Variants in MAP3K14 observed in about 807,000 individuals in gnomAD.
MAP3K14 encodes NF-kappa-beta-inducing kinase.
In MAP3K14, 16 loss-of-function variants were observed where a neutral mutation model predicts 99.2. The ratio of observed to expected loss-of-function variants is 0.16; its 90% CI spans 0.11 to 0.24. The LOEUF (loss-of-function observed/expected upper bound fraction) is 0.24, where lower values mean the gene tolerates loss of function less well. Among genes scored for constraint, MAP3K14 ranks in the 10% least tolerant of loss-of-function variants. MAP3K14 has a pLI of 1.00. For synonymous variants in MAP3K14, 462 were observed against 492.4 expected (o/e 0.94, Z 0.82); for missense variants, 784 against 1,208.7 (o/e 0.65, Z 5.21).
rs1434428354 is a variant in MAP3K14, at chr17:45,286,453, T to C, written c.1130A>G (p.Asn377Ser). Residue 377 changes from asparagine to serine, a missense_variant, in exon 5 of 16, where the codon AAC becomes AGC. Coordinates refer to ENST00000344686, the MANE Select transcript of MAP3K14 (RefSeq NM_003954.5). This position sits in a 1 kb window ranked among gnomAD's most constrained non-coding sequence, Gnocchi z 4.1. Reference sequence around the variant, plus strand: ...TACCTCAGTGAGCAGGACACCCTCGTTGTCCTCAGTTTTGGGGCTGGGCTC... The same window carrying C: ...TACCTCAGTGAGCAGGACACCCTCGCTGTCCTCAGTTTTGGGGCTGGGCTC... ...SREPSPKTEDNEGVLLTEKLK... is the reference protein window; with the variant it reads ...SREPSPKTEDSEGVLLTEKLK... 6.3e-7 allele frequency: 1 copy of C among 1,599,366 alleles called. No individual in the cohort carries two copies. Among genetic ancestry groups the C allele is most frequent in the South Asian group, 1.1e-5 (1 of 89,370 alleles).
Position 45,264,068 on chromosome 17 carries a change from T to A in MAP3K14, c.*568A>T, listed in dbSNP as rs1444256323. 1 of 152,328 alleles carries A rather than the reference T, an allele frequency of 6.6e-6. No homozygotes were observed. The highest frequency in any genetic ancestry group is 1.5e-5 in the Non-Finnish European group (1 of 68,144). The allele number at this position is 152,328 out of a possible 1,614,324, so 9.4% of individuals were successfully genotyped here. On this transcript the variant is annotated 3_prime_UTR_variant, in exon 16 of 16. Coordinates refer to ENST00000344686, the MANE Select transcript of MAP3K14 (RefSeq NM_003954.5). ...ATTCTACCAGGGAGCCTTCCCAGGGTCAGGCATTCTTTTCCCCTACACCCA... is the reference window on the plus strand; with the variant it reads ...ATTCTACCAGGGAGCCTTCCCAGGGACAGGCATTCTTTTCCCCTACACCCA...
chr17:45,283,716 G>A (rs1455899527), intron 6 of MAP3K14, among the ~76,000 whole-genome samples: 1 of 152,210 alleles, frequency 6.6e-6, no homozygotes, highest in African/African-American at 2.4e-5. Flanking sequence ...GATTGCGGAT[G>A]CTCTACCTGT....
rs1598254993 is a variant in MAP3K14 at position 45,286,249 on chromosome 17, G to A, written c.1152+182C>T. 1.3e-5 allele frequency among the ~76,000 whole-genome samples: 2 copies of A among 152,160 alleles called. No homozygotes were observed. The highest frequency in any genetic ancestry group is 4.1e-4 in the South Asian group (2 of 4,826). On this transcript the variant is annotated intron_variant, in intron 5 of 15. Coordinates refer to ENST00000344686, the MANE Select transcript of MAP3K14 (RefSeq NM_003954.5). This position sits in a 1 kb window ranked among gnomAD's most constrained non-coding sequence, Gnocchi z 4.1. Reference sequence around the variant, plus strand: ...CCAACCAGAAGAACTCAGAACAGAAGACGCTAAAAAGGCTGTGAGAAGTGA... The same window carrying A: ...CCAACCAGAAGAACTCAGAACAGAAAACGCTAAAAAGGCTGTGAGAAGTGA...
intron 1 of MAP3K14, among the ~76,000 whole-genome samples, chr17:45,291,946 C>G (rs944542034): frequency 6.6e-6 from 1 of 152,262 alleles, no homozygotes; most frequent in African/African-American, 2.4e-5. Context: ...AACTCTAAGG[C>G]CTCTGGCCTT....
In MAP3K14 at chr17:45,274,689, G is replaced by A. The variant is rs1027003004; in HGVS notation, c.1291-96C>T. 1.2e-5 allele frequency: 17 copies of A among 1,449,188 alleles called. No homozygotes were observed. The Admixed American group carries it at 3.0e-4, about 26-fold the overall frequency. 89.8% of individuals were successfully genotyped at this position (1,449,188 alleles called of 1,614,324 possible). A position where few individuals can be genotyped will look rare whatever the true frequency, so the allele number is the denominator to read the frequency against. On this transcript the variant is annotated intron_variant, in intron 6 of 15. Coordinates refer to ENST00000344686, the MANE Select transcript of MAP3K14 (RefSeq NM_003954.5). ...GCACCCTAGTGCTCCACACACAGAG[G>A]CTGCTGCTGTTTCCAGTGGTGATGC...
chr17:45,308,227 A>G (rs1023053407), intron 1 of MAP3K14, among the ~76,000 whole-genome samples: 2 of 152,216 alleles, frequency 1.3e-5, no homozygotes, highest in Admixed American at 1.3e-4. Flanking sequence ...CAAATATTTA[A>G]TCAGTGGCTA....
intron 1 of MAP3K14, among the ~76,000 whole-genome samples, chr17:45,291,331 T>C (rs2044309441): frequency 6.6e-6 from 1 of 152,064 alleles, no homozygotes; most frequent in African/African-American, 2.4e-5. Context: ...TCCTACAAAG[T>C]CTAAAACTCA....
chr17:45,316,680 C>A (rs1408661246), intron 1 of MAP3K14, among the ~76,000 whole-genome samples: 11 of 152,018 alleles, frequency 7.2e-5, no homozygotes, highest in Admixed American at 7.2e-4. Flanking sequence ...GGGAAGCAGG[C>A]GGCCCCTGCG....
chr17:45,264,522 G>A lies in MAP3K14; in HGVS notation c.*114C>T, dbSNP rs1281086004. On this transcript the variant is annotated 3_prime_UTR_variant, in exon 16 of 16. Coordinates refer to ENST00000344686, the MANE Select transcript of MAP3K14 (RefSeq NM_003954.5). ...GCTGCGAGGCCCTGGTCCCACTGCT[G>A]AGCCGGGGGCTGGCAGATCCCTGGG... is the stretch of plus-strand genomic sequence containing the variant. The A allele has an allele frequency of 2.2e-6, 3 of 1,347,672 alleles. No homozygotes were observed. Among genetic ancestry groups the A allele is most frequent in the Non-Finnish European group, 2.9e-6 (3 of 1,020,248 alleles). 83.5% of individuals were successfully genotyped at this position (1,347,672 alleles called of 1,614,324 possible).
chr17:45,282,455 TG>T (rs1487881258), intron 6 of MAP3K14, among the ~76,000 whole-genome samples: 2 of 149,910 alleles, frequency 1.3e-5, no homozygotes, highest in African/African-American at 4.9e-5. Context: ...TGTGGGAAGC[TG>T]AGGCAACAGG....
intron 6 of MAP3K14, 117 bp downstream of exon 6, chr17:45,284,695 C>T: frequency 7.4e-7 from 1 of 1,347,760 alleles, no homozygotes; most frequent in South Asian, 1.5e-5. Context: ...TAGCCAAGTT[C>T]TGTTCACAAG....
intron 1 of MAP3K14, among the ~76,000 whole-genome samples, chr17:45,305,412 T>G (rs1258798037): frequency 6.0e-5 from 9 of 150,550 alleles, no homozygotes; most frequent in Non-Finnish European, 7.4e-5. Flanking sequence ...TTTTTTTTTT[T>G]TGTGAGACAG....
chr17:45,274,421 C>G, intron 7 of MAP3K14, 43 bp downstream of exon 7: 1 of 1,610,204 alleles, frequency 6.2e-7, no homozygotes, highest in Non-Finnish European at 8.5e-7. Context: ...GGGGGGAACT[C>G]TTGGCCCTGA....
At chr17:45,316,638 G>A (rs1001395616) in intron 1 of MAP3K14, among the ~76,000 whole-genome samples, 4 of 152,200 alleles carry the variant, frequency 2.6e-5, no homozygotes, top group East Asian at 1.9e-4. Context: ...GCAGGCGGGC[G>A]GGCCTGGCGG....
At position 45,286,312 on chromosome 17, in the gene MAP3K14, T is replaced by C. The variant is rs2044263715; in HGVS notation, c.1152+119A>G. On this transcript the variant is annotated intron_variant, in intron 5 of 15. Transcript: ENST00000344686. This position sits in a 1 kb window ranked among gnomAD's most constrained non-coding sequence, Gnocchi z 4.1. ...AAGAGATGATACTTTTCATCCACAA[T>C]GAGCACTGTCCTACTGTTTGATTTG... 1 of 1,216,130 alleles carries C rather than the reference T, an allele frequency of 8.2e-7. No homozygotes were observed. The highest frequency in any genetic ancestry group is 1.5e-5 in the African/African-American group (1 of 65,210). 75.3% of individuals were successfully genotyped at this position (1,216,130 alleles called of 1,614,324 possible).
chr17:45,285,235 C>T (rs2044254262), intron 5 of MAP3K14, among the ~76,000 whole-genome samples: 1 of 152,028 alleles, frequency 6.6e-6, no homozygotes, highest in Non-Finnish European at 1.5e-5. Flanking sequence ...ACAGAACTGC[C>T]AATCACCTTG....
In MAP3K14 at chr17:45,306,214, AT is replaced by A. The variant is rs541288971; in HGVS notation, c.-21+10745del. On this transcript the variant is annotated intron_variant, in intron 1 of 15. Coordinates refer to ENST00000344686, the MANE Select transcript of MAP3K14 (RefSeq NM_003954.5). ...AAACTGGGCCTCAGTAGGCCAAGTA[AT>A]TTGCCCAAGGCCACACAGCAGTGAA... Among the ~76,000 whole-genome samples, 12 of 152,334 alleles carry A rather than the reference AT, an allele frequency of 7.9e-5. No individual in the cohort carries two copies. In the South Asian group the frequency reaches 2.3e-3, roughly 29 times the overall value.
At chr17:45,280,280 T>C (rs1046938826) in intron 6 of MAP3K14, among the ~76,000 whole-genome samples, 3 of 151,010 alleles carry the variant, frequency 2.0e-5, no homozygotes, top group African/African-American at 7.3e-5. Context: ...TGATTGCCCA[T>C]ACATGCAACA....
chr17:45,293,490 AG>A (rs1183011072), intron 1 of MAP3K14, among the ~76,000 whole-genome samples: 2 of 152,216 alleles, frequency 1.3e-5, no homozygotes, highest in Non-Finnish European at 1.5e-5. Context: ...GCTGAGGCTG[AG>A]GCAGCCACGC....
Sources: gnomAD v4.1 joint callset for allele counts (sites outside exome capture counted in the v4.1 genomes callset) on GRCh38, gnomAD v4.1.1 for gene constraint, Gnocchi (gnomAD v3.1) non-coding constraint, MANE v1.5 for transcripts, NCBI Gene and HGNC (gene_info 2026-07-23, HGNC 2026-07-21) for gene names.